Variants in CACNA2D3 observed in about 807,000 individuals in gnomAD.
CACNA2D3 encodes voltage-dependent calcium channel subunit alpha-2/delta-3.
CACNA2D3 carries 60 observed loss-of-function variants against 160.6 expected under a neutral mutation model. The observed-to-expected ratio is 0.37, with a 90% CI of 0.30 to 0.46. CACNA2D3 has a LOEUF of 0.46. Among genes scored for constraint, CACNA2D3 ranks in the 20% least tolerant of loss-of-function variants. The pLI, the probability that CACNA2D3 is intolerant of heterozygous loss-of-function variation, is 1.00. For synonymous variants in CACNA2D3, 558 were observed against 492.9 expected, an observed-to-expected ratio of 1.13 and a Z score of -1.75; for missense variants, 1,205 against 1,365.0, an observed-to-expected ratio of 0.88 and a Z score of 1.85.
chr3:54,499,115 A>G (rs1701247744), intron 4 of CACNA2D3, among the ~76,000 whole-genome samples: 1 of 152,126 alleles, frequency 6.6e-6, no homozygotes, highest in African/African-American at 2.4e-5. Context: ...GTTAAGTTTG[A>G]AAGTAGTATT....
intron 27 of CACNA2D3, chr3:54,925,032 T>G (rs1376814054): frequency 6.2e-7 from 1 of 1,613,180 alleles, no homozygotes; most frequent in Non-Finnish European, 8.5e-7. Context: ...AGCAGGAAGA[T>G]GGTGTATCTG....
In CACNA2D3 at chr3:55,020,780, G is replaced by C. The variant is rs2107161365; in HGVS notation, c.2987+2463G>C. 2.0e-5 allele frequency among the ~76,000 whole-genome samples: 3 copies of C among 151,970 alleles called. No homozygotes were observed. In the East Asian group the frequency reaches 5.8e-4, roughly 29 times the overall value. ...ACAAGAGAATTGCTTGAACTCAGGA[G>C]GTGGAGGTTGCAGTGAGCCAATATC... On this transcript the variant is annotated intron_variant, in intron 35 of 37. Coordinates refer to ENST00000474759, the MANE Select transcript of CACNA2D3 (RefSeq NM_018398.3).
chr3:54,923,746 A>G (rs1019266068), intron 27 of CACNA2D3, among the ~76,000 whole-genome samples: 7 of 152,274 alleles, frequency 4.6e-5, no homozygotes, highest in East Asian at 1.9e-4. Flanking sequence ...CCCAAAAGCC[A>G]TGCCTTCTGT....
intron 13 of CACNA2D3, among the ~76,000 whole-genome samples, chr3:54,778,347 T>A (rs1217407698): frequency 6.6e-6 from 1 of 152,002 alleles, no homozygotes; most frequent in Admixed American, 6.6e-5. Flanking sequence ...CTTAACCTAC[T>A]CACACATTTA....
intron 10 of CACNA2D3, chr3:54,638,684 G>T (rs1329623498): frequency 1.3e-5 from 2 of 151,870 alleles, no homozygotes; most frequent in East Asian, 3.9e-4. Context: ...GACTAGGAAG[G>T]GACTGATGTG....
At chr3:54,413,436 A>ATG (rs1299732200) in intron 4 of CACNA2D3, among the ~76,000 whole-genome samples, 3 of 148,122 alleles carry the variant, frequency 2.0e-5, no homozygotes, top group African/African-American at 7.3e-5. Flanking sequence ...ATATATATAT[A>ATG]TATCTGCTTG....
chr3:54,823,657 C>T (rs145718653), intron 14 of CACNA2D3, among the ~76,000 whole-genome samples: 5 of 152,100 alleles, frequency 3.3e-5, no homozygotes, highest in African/African-American at 9.6e-5. Context: ...AACCATAGTT[C>T]AAAAGGATAT....
chr3:54,193,462 T>C (rs1701018071), intron 2 of CACNA2D3, among the ~76,000 whole-genome samples: 1 of 152,232 alleles, frequency 6.6e-6, no homozygotes, highest in South Asian at 2.1e-4. Flanking sequence ...ACTATCATAA[T>C]AGTAAACATT....
chr3:54,686,659 T>C (rs748510115), intron 11 of CACNA2D3, among the ~76,000 whole-genome samples: 51 of 152,194 alleles, frequency 3.4e-4, no homozygotes, highest in Non-Finnish European at 3.8e-4. Context: ...ACATTTCCAA[T>C]GAAAGCACAG....
At chr3:54,623,193 T>C (rs1354064902) in intron 9 of CACNA2D3, among the ~76,000 whole-genome samples, 1 of 49,986 alleles carries the variant, frequency 2.0e-5, no homozygotes, top group South Asian at 6.2e-4. Context: ...TCAAGCCTTG[T>C]TGTCCCCATC....
At chr3:54,949,392 G>A (rs1037913587) in intron 27 of CACNA2D3, among the ~76,000 whole-genome samples, 1 of 152,176 alleles carries the variant, frequency 6.6e-6, no homozygotes, top group Non-Finnish European at 1.5e-5. Context: ...AAAAGTAACA[G>A]CTGTCTATTA....
intron 13 of CACNA2D3, among the ~76,000 whole-genome samples, chr3:54,805,754 G>C (rs1703105443): frequency 6.6e-6 from 1 of 152,252 alleles, no homozygotes; most frequent in South Asian, 2.1e-4. Context: ...AACCAAAAAA[G>C]AGAATTTTAG....
At chr3:54,539,050 AGTT>A (rs1389455499) in intron 5 of CACNA2D3, among the ~76,000 whole-genome samples, 1 of 151,970 alleles carries the variant, frequency 6.6e-6, no homozygotes, top group Non-Finnish European at 1.5e-5. Flanking sequence ...CTCACCCTAG[AGTT>A]GTTTTGATTC....
chr3:54,924,975 T>A lies in CACNA2D3; in HGVS notation c.2449+25107T>A, dbSNP rs533883378. On this transcript the variant is annotated intron_variant, in intron 27 of 37. Transcript: ENST00000474759. Reference sequence around the variant, plus strand: ...AGGGGCCAGATTTGAAAGGGAATTGTTGGACAAGTTTAAGGTCATGAGCCA... The same window carrying A: ...AGGGGCCAGATTTGAAAGGGAATTGATGGACAAGTTTAAGGTCATGAGCCA... 67 of 1,611,640 alleles carry A rather than the reference T, an allele frequency of 4.2e-5. No individual in the cohort carries two copies. The South Asian group carries it at 7.2e-4, about 17-fold the overall frequency.
At chr3:54,496,467 T>C (rs947556143) in intron 4 of CACNA2D3, among the ~76,000 whole-genome samples, 6 of 152,210 alleles carry the variant, frequency 3.9e-5, no homozygotes, top group African/African-American at 1.4e-4. Flanking sequence ...GTAAAGTGTC[T>C]GTTCAAATCT....
chr3:54,524,496 G>A (rs954140859), intron 5 of CACNA2D3, among the ~76,000 whole-genome samples: 5 of 151,844 alleles, frequency 3.3e-5, no homozygotes, highest in Non-Finnish European at 7.4e-5. Flanking sequence ...TGTCTGTTGC[G>A]TCTAGGTGGT....
At chr3:54,415,011 G>C (rs1170503836) in intron 4 of CACNA2D3, among the ~76,000 whole-genome samples, 1 of 152,082 alleles carries the variant, frequency 6.6e-6, no homozygotes, top group Non-Finnish European at 1.5e-5. Flanking sequence ...CGGTGTTTCA[G>C]ACGTCAAAAA....
chr3:54,328,019 A>G (rs1704155001), intron 3 of CACNA2D3, among the ~76,000 whole-genome samples: 1 of 152,232 alleles, frequency 6.6e-6, no homozygotes. Context: ...TTTCACGGTT[A>G]TAAGCAATAA....
chr3:54,858,815 T>C (rs1209766495), intron 17 of CACNA2D3, among the ~76,000 whole-genome samples: 4 of 152,204 alleles, frequency 2.6e-5, no homozygotes, highest in Non-Finnish European at 5.9e-5. Context: ...ACTGGGTAGA[T>C]GCCCACATTC....
Sources: gnomAD v4.1 joint callset for allele counts (sites outside exome capture counted in the v4.1 genomes callset) on GRCh38, gnomAD v4.1.1 for gene constraint, MANE v1.5 for transcripts, NCBI Gene and HGNC (gene_info 2026-07-23, HGNC 2026-07-21) for gene names.